The following CFAP52 variants were observed in gnomAD, a reference collection of about 807,000 sequenced individuals.
The protein encoded by CFAP52 is cilia- and flagella-associated protein 52.
Under a neutral mutation model 70.5 loss-of-function variants are expected in CFAP52, and 57 were observed. The ratio of observed to expected loss-of-function variants is 0.81; its 90% CI spans 0.65 to 1.01. The LOEUF (loss-of-function observed/expected upper bound fraction) is 1.01, where lower values mean the gene tolerates loss of function less well. CFAP52 is among the 50% of genes least tolerant of loss of function. CFAP52 has a pLI of 0.00. For synonymous variants in CFAP52, 267 were observed against 292.5 expected (o/e 0.91, Z 0.89); for missense variants, 785 against 788.5 (o/e 1.00, Z 0.05).
intron 4 of CFAP52, among the ~76,000 whole-genome samples, chr17:9,594,893 GTTT>G (rs11378454): frequency 1.5e-5 from 2 of 130,766 alleles, no homozygotes; most frequent in Non-Finnish European, 3.1e-5. Flanking sequence ...ATTAGGGAGG[GTTT>G]TTTTTTTTTT....
At chr17:9,628,875 T>A in intron 9 of CFAP52, 55 bp downstream of exon 9, 2 of 1,609,410 alleles carry the variant, frequency 1.2e-6, no homozygotes, top group Non-Finnish European at 1.7e-6. Flanking sequence ...TTTTGATTCT[T>A]GTCACTCTCC....
chr17:9,584,965 G>T (rs992736775), intron 1 of CFAP52, among the ~76,000 whole-genome samples: 8 of 152,110 alleles, frequency 5.3e-5, no homozygotes, highest in African/African-American at 1.9e-4. Context: ...AGGAAATCAT[G>T]CCATTTGTAA....
At chr17:9,601,461 G>A (rs940425299) in intron 6 of CFAP52, among the ~76,000 whole-genome samples, 1 of 152,080 alleles carries the variant, frequency 6.6e-6, no homozygotes, top group Non-Finnish European at 1.5e-5. Context: ...CCTCTTCAAA[G>A]CATAGGGCCT....
chr17:9,576,913 G>T, intron 1 of CFAP52, 148 bp downstream of exon 1: 1 of 777,792 alleles, frequency 1.3e-6, no homozygotes, highest in East Asian at 3.0e-5. Flanking sequence ...AGGAGGACCC[G>T]CACAGCCTGA....
In CFAP52 at chr17:9,635,668, C is replaced by T. The variant is rs1246685499; in HGVS notation, c.1472+112C>T. ...TGGAGGGTAGAAATCTTATTTAAGGCAACACAGTAAAGGGATGTTCATCAG... is the reference window on the plus strand; with the variant it reads ...TGGAGGGTAGAAATCTTATTTAAGGTAACACAGTAAAGGGATGTTCATCAG... On this transcript the variant is annotated intron_variant, in intron 11 of 13. Coordinates refer to ENST00000352665, the MANE Select transcript of CFAP52 (RefSeq NM_145054.5). 4.3e-6 allele frequency: 6 copies of T among 1,383,052 alleles called. No individual in the cohort carries two copies. In the African/African-American group the frequency reaches 5.7e-5, roughly 13 times the overall value. 85.7% of individuals were successfully genotyped at this position (1,383,052 alleles called of 1,614,324 possible). A position where few individuals can be genotyped will look rare whatever the true frequency, so the allele number is the denominator to read the frequency against.
chr17:9,615,248 G>A (rs1909859061), intron 8 of CFAP52, among the ~76,000 whole-genome samples: 1 of 152,162 alleles, frequency 6.6e-6, no homozygotes, highest in African/African-American at 2.4e-5. Flanking sequence ...AATCATGCAT[G>A]AACCAATGAA....
chr17:9,580,989 G>T (rs1908199811), intron 1 of CFAP52, among the ~76,000 whole-genome samples: 1 of 152,142 alleles, frequency 6.6e-6, no homozygotes, highest in Admixed American at 6.5e-5. Context: ...AACATTGGAA[G>T]AAACAACCCA....
chr17:9,586,568 C>CAAAAA, intron 2 of CFAP52, 130 bp from the exon 3 acceptor site: 1 of 893,898 alleles, frequency 1.1e-6, no homozygotes, highest in Non-Finnish European at 1.5e-6. Context: ...TCCGTCTCAA[C>CAAAAA]AAAAAAAAAA....
chr17:9,608,318 G>T, intron 7 of CFAP52, 99 bp downstream of exon 7: 1 of 996,652 alleles, frequency 1.0e-6, no homozygotes, highest in Non-Finnish European at 1.4e-6. Flanking sequence ...AGTGATATTT[G>T]GTTAAAAAAT....
downstream of CFAP52, chr17:9,644,854 C>T (rs977696257): frequency 1.3e-5 from 2 of 152,212 alleles, no homozygotes; most frequent in Admixed American, 6.5e-5. Flanking sequence ...GATAACCTCT[C>T]TGAGCCCCCT....
At chr17:9,633,833 C>T (rs564915459) in intron 10 of CFAP52, among the ~76,000 whole-genome samples, 21 of 151,554 alleles carry the variant, frequency 1.4e-4, no homozygotes, top group African/African-American at 4.1e-4. Context: ...CCTGCCACCA[C>T]GCCCAGCTAA....
rs1272837657 is a variant in CFAP52 at position 9,586,715 on chromosome 17, G to A, written c.288G>A (p.Trp96Ter). The A allele has an allele frequency of 1.2e-6, 2 of 1,611,436 alleles. No individual in the cohort carries two copies. Among genetic ancestry groups the A allele is most frequent in the Non-Finnish European group, 1.7e-6 (2 of 1,179,258 alleles). ...GCCCCCAGGCAGACATCATTTTGTGGGATTATAAGAACAGAGAGCTGCTTG... is the reference window on the plus strand; with the variant it reads ...GCCCCCAGGCAGACATCATTTTGTGAGATTATAAGAACAGAGAGCTGCTTG... ...FMGFKADIIL[W>*]DYKNRELLAR... The change falls in exon 3 of 14, where the codon TGG (tryptophan) becomes TGA (stop). Residue 96 changes from tryptophan (W) to a stop codon, truncating the protein, a stop_gained. Coordinates refer to ENST00000352665, the MANE Select transcript of CFAP52 (RefSeq NM_145054.5). LOFTEE classifies it high-confidence loss of function.
Position 9,635,427 on chromosome 17 carries a change from G to A in CFAP52, c.1343G>A (p.Cys448Tyr). ...EGEVRVWQIG[C>Y]QTQKLEEALK... ...CAGGTGAGGGTATGGCAGATAGGCT[G>A]TCAGACCCAGAAGCTGGAGGAGGCC... The change falls in exon 11 of 14, where the codon TGT becomes TAT. Residue 448 changes from cysteine (C) to tyrosine (Y), a missense_variant. By Grantham distance (194) the Cys-to-Tyr change is radical (BLOSUM62 -2). Coordinates refer to ENST00000352665, the MANE Select transcript of CFAP52 (RefSeq NM_145054.5). The A allele has an allele frequency of 2.5e-6, 4 of 1,614,142 alleles. No individual in the cohort carries two copies. Among genetic ancestry groups the A allele is most frequent in the Non-Finnish European group, 3.4e-6 (4 of 1,180,036 alleles).
chr17:9,627,325 C>T (rs974502394), intron 8 of CFAP52, among the ~76,000 whole-genome samples: 2 of 152,110 alleles, frequency 1.3e-5, no homozygotes, highest in Non-Finnish European at 2.9e-5. Context: ...GCCTGGCCAA[C>T]ATGGTGAAAC....
chr17:9,645,474 C>A, downstream of CFAP52: 3 of 632,232 alleles, frequency 4.7e-6, no homozygotes, highest in Non-Finnish European at 6.4e-6. This position sits in a 1 kb window ranked among gnomAD's most constrained non-coding sequence, Gnocchi z 6.8. Context: ...CCGCGCGGGG[C>A]GGGGCTGCCC....
At chr17:9,600,236 C>A in intron 6 of CFAP52, 53 bp downstream of exon 6, 1 of 1,453,342 alleles carries the variant, frequency 6.9e-7, no homozygotes, top group Non-Finnish European at 9.6e-7. Flanking sequence ...TCACTGGCAG[C>A]ATGTACTTTT....
At chr17:9,588,290 G>A (rs964404300) in intron 3 of CFAP52, among the ~76,000 whole-genome samples, 5 of 152,112 alleles carry the variant, frequency 3.3e-5, no homozygotes, top group Non-Finnish European at 7.4e-5. Flanking sequence ...GTGCCCTGGC[G>A]CCCAGAGAAA....
At chr17:9,622,891 C>T (rs1910102597) in intron 8 of CFAP52, among the ~76,000 whole-genome samples, 1 of 152,062 alleles carries the variant, frequency 6.6e-6, no homozygotes, top group Non-Finnish European at 1.5e-5. Context: ...TTAGTTTTAC[C>T]TGCTTTTGAA....
At chr17:9,586,565 CAACA>C in intron 2 of CFAP52, 129 bp from the exon 3 acceptor site, 1 of 1,026,746 alleles carries the variant, frequency 9.7e-7, no homozygotes, top group Non-Finnish European at 1.2e-6. Context: ...GACTCCGTCT[CAACA>C]AAAAAAAAAA....
Sources: gnomAD v4.1 joint callset for allele counts (sites outside exome capture counted in the v4.1 genomes callset) on GRCh38, gnomAD v4.1.1 for gene constraint, Gnocchi (gnomAD v3.1) non-coding constraint, MANE v1.5 for transcripts, NCBI Gene and HGNC (gene_info 2026-07-23, HGNC 2026-07-21) for gene names.